Variants in GCNT1 observed in about 807,000 individuals in gnomAD.
The protein encoded by GCNT1 is beta-1,3-galactosyl-O-glycosyl-glycoprotein beta-1,6-N-acetylglucosaminyltransferase.
Under a neutral mutation model 26.2 loss-of-function variants are expected in GCNT1, and 16 were observed. The ratio of observed to expected loss-of-function variants is 0.61; its 90% confidence interval spans 0.41 to 0.93. The LOEUF is 0.93. Ranked by LOEUF, GCNT1 falls within the 40% of genes least tolerant of loss-of-function variation. GCNT1 has a pLI of 0.00. For synonymous variants in GCNT1, 183 were observed against 190.8 expected (o/e 0.96, Z 0.34); for missense variants, 477 against 526.7 (o/e 0.91, Z 0.92).
chr9:76,478,361 G>C (rs1322404129), intron 2 of GCNT1, among the ~76,000 whole-genome samples: 1 of 152,184 alleles, frequency 6.6e-6, no homozygotes, highest in Non-Finnish European at 1.5e-5. Flanking sequence ...TTTAAGAGCT[G>C]TAACGCTCAC....
chr9:76,405,316 C>CAG, the GCNT1 span, among the ~76,000 whole-genome samples: 5 of 149,924 alleles, frequency 3.3e-5, no homozygotes, highest in Non-Finnish European at 7.4e-5. Context: ...CACACACACA[C>CAG]AGGCTTCCTC....
intron 1 of GCNT1, among the ~76,000 whole-genome samples, chr9:76,444,115 C>T (rs1008753424): frequency 3.3e-5 from 5 of 151,930 alleles, no homozygotes; most frequent in African/African-American, 9.7e-5. Flanking sequence ...TGAGTAAGTC[C>T]GGGAGAAAAG....
At chr9:76,435,802 G>A (rs1311831218) in intron 1 of GCNT1, among the ~76,000 whole-genome samples, 1 of 152,080 alleles carries the variant, frequency 6.6e-6, no homozygotes, top group Non-Finnish European at 1.5e-5. Context: ...ACACAATTAG[G>A]TCCATAACAA....
intron 2 of GCNT1, among the ~76,000 whole-genome samples, chr9:76,492,057 G>A (rs947815323): frequency 6.6e-6 from 1 of 152,188 alleles, no homozygotes; most frequent in Non-Finnish European, 1.5e-5. Flanking sequence ...CCTTACTTAG[G>A]TATGCCACTG....
intron 2 of GCNT1, among the ~76,000 whole-genome samples, chr9:76,480,043 G>T (rs1023782391): frequency 1.6e-4 from 24 of 152,280 alleles, no homozygotes; most frequent in Non-Finnish European, 3.1e-4. Flanking sequence ...AAGGTGTAAG[G>T]AAGGGATCCA....
chr9:76,451,948 C>CTTTTTTTTTTTTTTTTTTTTTTTT (rs747978017), intron 1 of GCNT1, among the ~76,000 whole-genome samples: 3 of 98,410 alleles, frequency 3.0e-5, no homozygotes, highest in African/African-American at 4.5e-5. Context: ...TTCTTTCTTT[C>CTTTTTTTTTTTTTTTTTTTTTTTT]TTTTTTTTTT....
Position 76,504,482 on chromosome 9 carries a change from G to GT in GCNT1, c.*815dup, listed in dbSNP as rs1825181311. On this transcript the variant is annotated 3_prime_UTR_variant, in exon 4 of 4. Coordinates refer to ENST00000376730, the MANE Select transcript of GCNT1 (RefSeq NM_001490.5). The stretch of plus-strand genomic sequence containing the variant: ...TCTTCCCAGACTGCTATCAAGCTGT[G>GT]TAAAAATTTACTTTCACTGGACCCT... 1 of 314,288 alleles carries GT rather than the reference G, an allele frequency of 3.2e-6. No homozygotes were observed. The highest frequency in any genetic ancestry group is 2.1e-5 in the African/African-American group (1 of 46,608). 19.5% of individuals were successfully genotyped at this position (314,288 alleles called of 1,614,324 possible).
At chr9:76,433,556 G>A (rs1438572652) in intron 1 of GCNT1, among the ~76,000 whole-genome samples, 5 of 152,162 alleles carry the variant, frequency 3.3e-5, no homozygotes, top group African/African-American at 1.2e-4. Context: ...GGAGAGGCCA[G>A]CCAGACCCTG....
intron 1 of GCNT1, among the ~76,000 whole-genome samples, chr9:76,450,432 C>T (rs528042574): frequency 6.6e-6 from 1 of 152,210 alleles, no homozygotes; most frequent in South Asian, 2.1e-4. Context: ...TGTAAAATTT[C>T]CTACATAGGA....
the GCNT1 span, chr9:76,394,291 CG>C: frequency 1.1e-6 from 1 of 938,224 alleles, no homozygotes; most frequent in Non-Finnish European, 1.5e-6. Flanking sequence ...CTGCCTGCCG[CG>C]GGGGCGCACC....
chr9:76,477,129 G>A (rs993374296), intron 2 of GCNT1, among the ~76,000 whole-genome samples: 2 of 151,770 alleles, frequency 1.3e-5, no homozygotes, highest in African/African-American at 2.4e-5. Flanking sequence ...TGGCCGGGCT[G>A]GTCTCGAAAT....
upstream of GCNT1, among the ~76,000 whole-genome samples, chr9:76,455,160 C>T (rs560467336): frequency 3.3e-5 from 5 of 151,878 alleles, no homozygotes; most frequent in South Asian, 1.0e-3. Context: ...AACCTCTTTT[C>T]TTTATAAATC....
intron 2 of GCNT1, among the ~76,000 whole-genome samples, chr9:76,477,307 C>T (rs929184835): frequency 6.6e-6 from 1 of 151,668 alleles, no homozygotes; most frequent in Non-Finnish European, 1.5e-5. Context: ...GCGGGTGGAT[C>T]ACGAGGTCAG....
chr9:76,457,854 GT>G (rs1245358423), upstream of GCNT1, among the ~76,000 whole-genome samples: 1 of 152,094 alleles, frequency 6.6e-6, no homozygotes, highest in Non-Finnish European at 1.5e-5. Flanking sequence ...GAGTTCAGGA[GT>G]TTTTCCCAAA....
intron 2 of GCNT1, 49 bp downstream of exon 2, chr9:76,460,226 C>T (rs1403789162): frequency 6.6e-6 from 1 of 152,210 alleles, no homozygotes; most frequent in Admixed American, 6.5e-5. Context: ...TAAACGTTGC[C>T]CTGTACACCC....
chr9:76,453,541 T>C (rs1258419751), intron 1 of GCNT1, among the ~76,000 whole-genome samples: 1 of 152,100 alleles, frequency 6.6e-6, no homozygotes, highest in Non-Finnish European at 1.5e-5. Flanking sequence ...GAGGAGGGCA[T>C]CTGATAGAGT....
intron 2 of GCNT1, among the ~76,000 whole-genome samples, chr9:76,466,072 A>G (rs960493623): frequency 6.6e-6 from 1 of 152,168 alleles, no homozygotes. Context: ...TGTTGCATGT[A>G]AGTATTACTG....
intron 2 of GCNT1, among the ~76,000 whole-genome samples, chr9:76,463,749 C>CTTATGAGG (rs397748577): frequency 3.7e-4 from 56 of 152,174 alleles, no homozygotes; most frequent in African/African-American, 1.3e-3. Flanking sequence ...AGCTTATGAG[C>CTTATGAGG]CAAACACATA....
chr9:76,473,763 A>C (rs559597382), intron 2 of GCNT1, among the ~76,000 whole-genome samples: 13 of 152,328 alleles, frequency 8.5e-5, no homozygotes, highest in African/African-American at 2.9e-4. Flanking sequence ...AGCTGAAATC[A>C]TTGCCACTGT....
Sources: gnomAD v4.1 joint callset for allele counts (sites outside exome capture counted in the v4.1 genomes callset) on GRCh38, gnomAD v4.1.1 for gene constraint, MANE v1.5 for transcripts, NCBI Gene and HGNC (gene_info 2026-07-23, HGNC 2026-07-21) for gene names.